Variants in LINGO2 observed in about 807,000 individuals in gnomAD.
LINGO2 encodes leucine-rich repeat and immunoglobulin-like domain-containing nogo receptor-interacting protein 2.
Under a neutral mutation model 30.6 loss-of-function variants are expected in LINGO2, and 14 were observed. The ratio of observed to expected loss-of-function variants is 0.46; its 90% CI spans 0.30 to 0.72. LINGO2 has a LOEUF of 0.72. Among genes scored for constraint, LINGO2 ranks in the 30% least tolerant of loss-of-function variants. The pLI is 0.07. For synonymous variants in LINGO2, 317 were observed against 288.5 expected (o/e 1.10, Z -1.00); for missense variants, 729 against 751.7 (o/e 0.97, Z 0.35).
At chr9:28,488,561 T>C (rs1163882763) in intron 1 of LINGO2, among the ~76,000 whole-genome samples, 1 of 152,170 alleles carries the variant, frequency 6.6e-6, no homozygotes, top group Non-Finnish European at 1.5e-5. Flanking sequence ...AGCAGGTTAT[T>C]TGACTTATCT....
In LINGO2 at chr9:28,561,747, GTGTATA is replaced by G. The variant is rs1352663167; in HGVS notation, c.-364-85728_-364-85723del. Among the ~76,000 whole-genome samples, 51 of 35,850 alleles carry G rather than the reference GTGTATA, an allele frequency of 1.4e-3. 4 individuals are homozygous for G. The highest frequency in any genetic ancestry group is 6.5e-3 in the African/African-American group (48 of 7,362). 23.5% of individuals were successfully genotyped at this position (35,850 alleles called of 152,430 possible). On this transcript the variant is annotated intron_variant, in intron 1 of 5. Coordinates refer to ENST00000379992, the Ensembl canonical transcript of LINGO2. ...ATTATATATAATTTTGTGTGTGTGT[GTGTATA>G]TATATATATATATATATATATATAT...
chr9:28,293,954 T>C (rs1424429818), intron 4 of LINGO2, among the ~76,000 whole-genome samples: 3 of 152,196 alleles, frequency 2.0e-5, no homozygotes, highest in Admixed American at 2.0e-4. Context: ...AGAAGTCTTC[T>C]AAATGTGAGT....
At chr9:28,511,388 T>C (rs1587782725) in intron 1 of LINGO2, among the ~76,000 whole-genome samples, 1 of 151,976 alleles carries the variant, frequency 6.6e-6, no homozygotes. Context: ...TGCTGGAAAA[T>C]GGGGCACTCA....
chr9:28,204,377 C>A (rs867705666), intron 4 of LINGO2, among the ~76,000 whole-genome samples: 40 of 152,142 alleles, frequency 2.6e-4, no homozygotes, highest in African/African-American at 9.2e-4. Flanking sequence ...TGAATTTTAA[C>A]AAAAGGACCT....
chr9:28,434,837 T>C (rs1016693838), intron 2 of LINGO2, among the ~76,000 whole-genome samples: 2 of 152,132 alleles, frequency 1.3e-5, no homozygotes, highest in Admixed American at 1.3e-4. Context: ...AAAAGGTTTA[T>C]TGACTATTTT....
At chr9:27,990,471 C>G (rs1330626305) in intron 5 of LINGO2, among the ~76,000 whole-genome samples, 9 of 77,800 alleles carry the variant, frequency 1.2e-4, no homozygotes, top group African/African-American at 3.2e-4. Context: ...TACCCCCCCC[C>G]CTTTTATTTT....
chr9:28,102,817 G>A (rs544932047), intron 4 of LINGO2, among the ~76,000 whole-genome samples: 2 of 152,214 alleles, frequency 1.3e-5, no homozygotes, highest in Admixed American at 6.6e-5. Flanking sequence ...TTTGAAAGTG[G>A]AATGTGGGAG....
intron 4 of LINGO2, among the ~76,000 whole-genome samples, chr9:28,241,512 C>T (rs1438954804): frequency 6.6e-6 from 1 of 152,064 alleles, no homozygotes; most frequent in Non-Finnish European, 1.5e-5. Flanking sequence ...ACCTGAGAGC[C>T]ACAGGGGGCA....
chr9:28,448,553 T>A (rs1314572694), intron 2 of LINGO2, among the ~76,000 whole-genome samples: 1 of 152,094 alleles, frequency 6.6e-6, no homozygotes, highest in Admixed American at 6.6e-5. Flanking sequence ...GACAACAAGT[T>A]CTTGATACCC....
intron 1 of LINGO2, among the ~76,000 whole-genome samples, chr9:28,562,766 T>A (rs527859390): frequency 1.4e-4 from 21 of 152,224 alleles, no homozygotes; most frequent in Admixed American, 1.2e-3. Flanking sequence ...CAAATAGCTT[T>A]TACTGCATTT....
chr9:28,226,685 AAGAAAGAAAG>A, intron 4 of LINGO2, among the ~76,000 whole-genome samples: 1 of 85,324 alleles, frequency 1.2e-5, no homozygotes, highest in Admixed American at 1.1e-4. Context: ...GAAAGAAAGA[AAGAAAGAAAG>A]AAAGAAAGAG....
chr9:28,918,132 C>T, the LINGO2 span, among the ~76,000 whole-genome samples: 4 of 152,092 alleles, frequency 2.6e-5, no homozygotes, highest in Non-Finnish European at 5.9e-5. Context: ...AAGGCTTAAT[C>T]GGACTTACAG....
chr9:28,326,214 T>C (rs977642734), intron 3 of LINGO2, among the ~76,000 whole-genome samples: 9 of 152,126 alleles, frequency 5.9e-5, no homozygotes, highest in Non-Finnish European at 8.8e-5. Flanking sequence ...ACCATGTTGG[T>C]CATGCTGGTC....
the LINGO2 span, among the ~76,000 whole-genome samples, chr9:28,750,642 A>G: frequency 6.6e-6 from 1 of 152,018 alleles, no homozygotes. Context: ...GGAGTCAGAT[A>G]TATTTGTGTC....
At chr9:28,163,640 TAAATAA>T (rs1283434692) in intron 4 of LINGO2, among the ~76,000 whole-genome samples, 11 of 152,134 alleles carry the variant, frequency 7.2e-5, no homozygotes, top group Middle Eastern at 6.8e-3. Context: ...AAGGCAAAAA[TAAATAA>T]AAATAAGAAT....
chr9:28,456,205 T>G (rs749881669), intron 2 of LINGO2, among the ~76,000 whole-genome samples: 1 of 152,158 alleles, frequency 6.6e-6, no homozygotes, highest in East Asian at 1.9e-4. Flanking sequence ...ATTTTACACA[T>G]AAGCAAAGTG....
the LINGO2 span, among the ~76,000 whole-genome samples, chr9:28,947,642 T>C: frequency 6.7e-6 from 1 of 149,846 alleles, no homozygotes; most frequent in Admixed American, 6.7e-5. Flanking sequence ...CAAAATTCCA[T>C]ATTTTTTATG....
intron 5 of LINGO2, among the ~76,000 whole-genome samples, chr9:27,981,839 A>G (rs1820893469): frequency 6.6e-6 from 1 of 151,726 alleles, no homozygotes; most frequent in African/African-American, 2.4e-5. Context: ...GAAGTTTTCT[A>G]CTCCCTGACT....
At chr9:29,204,631 C>T in the LINGO2 span, among the ~76,000 whole-genome samples, 1 of 152,164 alleles carries the variant, frequency 6.6e-6, no homozygotes, top group African/African-American at 2.4e-5. Flanking sequence ...ATTTAAAGAA[C>T]TACAACATTT....
Sources: allele counts gnomAD v4.1 joint callset (sites outside exome capture counted in the v4.1 genomes callset), GRCh38; gene constraint gnomAD v4.1.1; transcripts MANE v1.5; gene names NCBI Gene and HGNC (gene_info 2026-07-23, HGNC 2026-07-21).